STK32B: variants seen among roughly 807,000 people sequenced by gnomAD.
The protein encoded by STK32B is serine/threonine kinase 32B.
A neutral mutation model predicts 52.6 loss-of-function variants in STK32B; 43 were observed. The observed-to-expected ratio is 0.82, with a 90% CI of 0.64 to 1.05. The LOEUF is 1.05. Ranked by LOEUF, STK32B falls within the 50% of genes least tolerant of loss-of-function variation. The pLI is 0.00. For missense variants in STK32B, 621 were observed against 534.6 expected, an observed-to-expected ratio of 1.16 and a Z score of -1.59; for synonymous variants, 238 against 204.3, an observed-to-expected ratio of 1.17 and a Z score of -1.41.
chr4:5,182,067 C>G (rs1720406939), intron 3 of STK32B, among the ~76,000 whole-genome samples: 1 of 152,234 alleles, frequency 6.6e-6, no homozygotes, highest in South Asian at 2.1e-4. Flanking sequence ...ATGGCATCTT[C>G]ATATGGAGCA....
intron 3 of STK32B, among the ~76,000 whole-genome samples, chr4:5,247,757 C>T (rs780320567): frequency 1.5e-4 from 23 of 152,122 alleles, no homozygotes; most frequent in Non-Finnish European, 2.1e-4. Context: ...TTTTTTTCTT[C>T]CACCCAGAGC....
chr4:5,362,459 G>A (rs1734609599), intron 4 of STK32B, among the ~76,000 whole-genome samples: 1 of 152,176 alleles, frequency 6.6e-6, no homozygotes, highest in South Asian at 2.1e-4. Flanking sequence ...AAGGGTACAG[G>A]TAGAAGACAG....
intron 4 of STK32B, among the ~76,000 whole-genome samples, chr4:5,371,038 A>ATATATG (rs1735205295): frequency 6.6e-6 from 1 of 150,760 alleles, no homozygotes; most frequent in Non-Finnish European, 1.5e-5. Context: ...ATATATGTAT[A>ATATATG]TATATGTGTG....
chr4:5,295,850 A>G (rs1440591552), intron 3 of STK32B, among the ~76,000 whole-genome samples: 1 of 151,914 alleles, frequency 6.6e-6, no homozygotes, highest in Non-Finnish European at 1.5e-5. Context: ...TAGTTCTTCT[A>G]ATTGTGTTAT....
the STK32B span, among the ~76,000 whole-genome samples, chr4:5,023,575 C>T: frequency 2.6e-5 from 4 of 152,120 alleles, no homozygotes; most frequent in Non-Finnish European, 5.9e-5. Flanking sequence ...GGAGGTGTGG[C>T]GATGTTAAGA....
chr4:5,353,388 A>C (rs1335228813), intron 4 of STK32B, among the ~76,000 whole-genome samples: 1 of 147,938 alleles, frequency 6.8e-6, no homozygotes, highest in African/African-American at 2.7e-5. Flanking sequence ...TGGAAATGAA[A>C]ATAGACAAAT....
chr4:5,346,628 C>G (rs183025789), intron 4 of STK32B, among the ~76,000 whole-genome samples: 12 of 152,298 alleles, frequency 7.9e-5, no homozygotes, highest in African/African-American at 2.9e-4. Context: ...GCCTTTACAT[C>G]TTGTTCTAGC....
intron 7 of STK32B, among the ~76,000 whole-genome samples, chr4:5,454,237 T>A (rs1716293681): frequency 6.6e-6 from 1 of 152,132 alleles, no homozygotes; most frequent in Admixed American, 6.5e-5. Context: ...AGGGCTGCTG[T>A]TCATTACCTG....
At chr4:5,337,111 T>A (rs79977235) in intron 4 of STK32B, among the ~76,000 whole-genome samples, 2,081 of 151,698 alleles carry the variant, frequency 0.014, 32 homozygotes, top group East Asian at 0.075. Flanking sequence ...GCTAAGTAGC[T>A]GGGACCATAA....
chr4:5,099,779 A>G (rs1295718105), intron 1 of STK32B, among the ~76,000 whole-genome samples: 3 of 152,054 alleles, frequency 2.0e-5, no homozygotes, highest in African/African-American at 7.2e-5. Flanking sequence ...CCTTCTAGGG[A>G]CAGCAGGCAC....
chr4:5,402,321 A>G (rs1469726338), intron 5 of STK32B, among the ~76,000 whole-genome samples: 1 of 152,250 alleles, frequency 6.6e-6, no homozygotes, highest in Non-Finnish European at 1.5e-5. Flanking sequence ...AGCCACAGGC[A>G]CAGGCCGGTG....
chr4:5,317,284 AACATAT>A, intron 3 of STK32B, among the ~76,000 whole-genome samples: 1 of 33,394 alleles, frequency 3.0e-5, no homozygotes, highest in African/African-American at 2.0e-4. Context: ...TATAACATAT[AACATAT>A]ATATAATATA....
rs191558336 is a variant in STK32B, at chr4:5,467,225, G to A, written c.1041+391G>A. ...TTCCTGGGGCTGCCACAAGCTAGGT[G>A]GCTTAAAACAACCCACATTGATTCT... On this transcript the variant is annotated intron_variant, in intron 10 of 11. Coordinates refer to ENST00000282908, the MANE Select transcript of STK32B (RefSeq NM_018401.3). This position sits in a 1 kb window ranked among gnomAD's most constrained non-coding sequence, Gnocchi z 5.8. 6.6e-6 allele frequency among the ~76,000 whole-genome samples: 1 copy of A among 152,276 alleles called. No homozygotes were observed. Among genetic ancestry groups the A allele is most frequent in the East Asian group, 1.9e-4 (1 of 5,180 alleles).
At chr4:5,290,491 A>G (rs897552770) in intron 3 of STK32B, among the ~76,000 whole-genome samples, 4 of 152,238 alleles carry the variant, frequency 2.6e-5, no homozygotes, top group Admixed American at 2.0e-4. Flanking sequence ...TCAAGATATC[A>G]CTGGCTGATA....
At chr4:5,140,026 G>T in intron 2 of STK32B, 66 bp downstream of exon 2, 1 of 1,589,410 alleles carries the variant, frequency 6.3e-7, no homozygotes. Flanking sequence ...TCTGTGTGTT[G>T]GTTGCTGGGC....
chr4:5,430,542 T>C (rs1713491249), intron 6 of STK32B, among the ~76,000 whole-genome samples: 1 of 152,240 alleles, frequency 6.6e-6, no homozygotes, highest in Non-Finnish European at 1.5e-5. Flanking sequence ...CTAGTTCATA[T>C]CTGAGTATGA....
intron 1 of STK32B, among the ~76,000 whole-genome samples, chr4:5,072,283 C>G (rs368397936): frequency 7.4e-4 from 113 of 152,262 alleles, no homozygotes; most frequent in African/African-American, 2.5e-3. Context: ...CCCACATTTA[C>G]ATTGTTACAT....
intron 7 of STK32B, among the ~76,000 whole-genome samples, chr4:5,447,892 A>G (rs1348284543): frequency 2.6e-5 from 4 of 152,238 alleles, no homozygotes; most frequent in Non-Finnish European, 5.9e-5. Context: ...TGACAGAAGC[A>G]AAGAGCCAGA....
intron 3 of STK32B, among the ~76,000 whole-genome samples, chr4:5,317,240 TA>T (rs1398675942): frequency 2.4e-5 from 1 of 41,152 alleles, no homozygotes; most frequent in African/African-American, 2.4e-4. Flanking sequence ...ATAACATATA[TA>T]TATTATATAT....
Sources: allele counts gnomAD v4.1 joint callset (sites outside exome capture counted in the v4.1 genomes callset), GRCh38; gene constraint gnomAD v4.1.1; non-coding constraint Gnocchi (gnomAD v3.1); transcripts MANE v1.5; gene names NCBI Gene and HGNC (gene_info 2026-07-23, HGNC 2026-07-21).